Variants in MTCL1 observed in about 807,000 individuals in gnomAD.
MTCL1 encodes microtubule cross-linking factor 1.
Under a neutral mutation model 141.4 loss-of-function variants are expected in MTCL1, and 79 were observed. The ratio of observed to expected loss-of-function variants is 0.56; its 90% CI spans 0.47 to 0.67. The LOEUF is 0.67. Among genes scored for constraint, MTCL1 ranks in the 30% least tolerant of loss-of-function variants. MTCL1 has a pLI of 0.00. For synonymous variants in MTCL1, 914 were observed against 875.8 expected (o/e 1.04, Z -0.77); for missense variants, 2,177 against 2,113.9 (o/e 1.03, Z -0.59).
At chr18:8,788,175 G>A (rs2075585738) in intron 7 of MTCL1, among the ~76,000 whole-genome samples, 1 of 152,194 alleles carries the variant, frequency 6.6e-6, no homozygotes, top group African/African-American at 2.4e-5. Flanking sequence ...CTAACTGGGG[G>A]AAAGACAACA....
At chr18:8,714,186 A>G (rs1048210174), upstream of MTCL1, among the ~76,000 whole-genome samples, 1 of 152,138 alleles carries the variant, frequency 6.6e-6, no homozygotes, top group African/African-American at 2.4e-5. Flanking sequence ...TGTGTGATTG[A>G]AAGCAGACAG....
At chr18:8,829,691 C>A in intron 16 of MTCL1, 1 of 985,212 alleles carries the variant, frequency 1.0e-6, no homozygotes, top group Non-Finnish European at 1.2e-6. Flanking sequence ...TATCTGTTGT[C>A]AAATACAACA....
chr18:8,826,266 A>T, intron 15 of MTCL1, 34 bp downstream of exon 14: 1 of 1,498,282 alleles, frequency 6.7e-7, no homozygotes, highest in African/African-American at 1.4e-5. Flanking sequence ...ACCCTTCCCC[A>T]CCAGCTCTTC....
At position 8,775,408 on chromosome 18, in the gene MTCL1, T is replaced by TAAAAAAAAAA. The variant is rs780102071; in HGVS notation, c.358-2416_358-2407dup. On this transcript the variant is annotated intron_variant, in intron 4 of 16. Coordinates refer to ENST00000359865, the Ensembl canonical transcript of MTCL1. ...CAACATGGTGAAACCTCGTCTCTAC[T>TAAAAAAAAAA]AAAAAAAAAAAAAAAAAAGCTGCGC... 9.8e-4 allele frequency among the ~76,000 whole-genome samples: 91 copies of TAAAAAAAAAA among 92,960 alleles called. 1 individual carries two copies. The highest frequency in any genetic ancestry group is 3.5e-3 in the African/African-American group (84 of 24,344). 61.0% of individuals were successfully genotyped at this position (92,960 alleles called of 152,430 possible). A position where few individuals can be genotyped will look rare whatever the true frequency, so the allele number is the denominator to read the frequency against.
rs751765932 is a variant in MTCL1 at position 8,718,541 on chromosome 18, C to T, written c.91C>T (p.Arg31Ter). The T allele has an allele frequency of 6.8e-6, 11 of 1,614,024 alleles. No individual in the cohort carries two copies. The highest frequency in any genetic ancestry group is 1.3e-5 in the African/African-American group (1 of 74,910). ...ACTGGACCGCGCTAATAAAAACTGC[C>T]GAATCCTGCAGTACCGTCTTCGGAA... The change falls in exon 3 of 17, where the codon CGA becomes TGA. Residue 31 changes from arginine to a stop codon, truncating the protein, a stop_gained. Coordinates refer to ENST00000359865, the Ensembl canonical transcript of MTCL1. LOFTEE classifies it high-confidence loss of function.
At chr18:8,733,686 G>A (rs1377106581) in intron 4 of MTCL1, among the ~76,000 whole-genome samples, 7 of 152,122 alleles carry the variant, frequency 4.6e-5, no homozygotes, top group African/African-American at 7.2e-5. Flanking sequence ...GATTACAGGC[G>A]TGAGCCACTG....
chr18:8,739,372 G>A (rs1199041152), intron 4 of MTCL1, among the ~76,000 whole-genome samples: 1 of 152,238 alleles, frequency 6.6e-6, no homozygotes, highest in African/African-American at 2.4e-5. Flanking sequence ...GGGTGGGCGT[G>A]CATGCGCGGT....
At chr18:8,829,081 C>T (rs1276552204) in intron 16 of MTCL1, 19 of 1,562,972 alleles carry the variant, frequency 1.2e-5, no homozygotes, top group Non-Finnish European at 1.6e-5. Flanking sequence ...TACCCTCGCT[C>T]ACCCCAAGTT....
chr18:8,755,966 C>G (rs2096395346), intron 4 of MTCL1, among the ~76,000 whole-genome samples: 1 of 152,170 alleles, frequency 6.6e-6, no homozygotes, highest in Admixed American at 6.5e-5. Context: ...ATAGCAAAAC[C>G]TTGTCTCTAT....
At chr18:8,791,068 G>A (rs2075707204) in intron 7 of MTCL1, among the ~76,000 whole-genome samples, 1 of 152,212 alleles carries the variant, frequency 6.6e-6, no homozygotes, top group African/African-American at 2.4e-5. Context: ...TGGCCCTTGG[G>A]TGGGTGGATT....
chr18:8,813,164 C>T (rs777259761), exon 12 of MTCL1: 9 of 1,613,750 alleles, frequency 5.6e-6, no homozygotes, highest in South Asian at 3.3e-5. Flanking sequence ...TGGAACTTCT[C>T]GACCGCCTGG....
intron 4 of MTCL1, among the ~76,000 whole-genome samples, chr18:8,724,026 G>A (rs564055028): frequency 1.4e-4 from 22 of 152,254 alleles, no homozygotes; most frequent in African/African-American, 5.3e-4. Flanking sequence ...ATGGGTAGGC[G>A]GTTTCCTTTT....
In MTCL1 at chr18:8,744,101, T is replaced by G. The variant is rs561047363; in HGVS notation, c.357+23605T>G. The stretch of plus-strand genomic sequence containing the variant: ...GTCTTTAAGATAAGAAAACTGAGGC[T>G]TGGAGTAGCTAGCAAACCTGCCCTA... On this transcript the variant is annotated intron_variant, in intron 4 of 16. Transcript: ENST00000359865. 4.1e-4 allele frequency among the ~76,000 whole-genome samples: 62 copies of G among 152,354 alleles called. 1 individual carries two copies. The South Asian group carries it at 4.1e-3, about 10-fold the overall frequency.
intron 4 of MTCL1, among the ~76,000 whole-genome samples, chr18:8,747,524 G>C (rs2096345722): frequency 6.6e-6 from 1 of 152,252 alleles, no homozygotes; most frequent in Non-Finnish European, 1.5e-5. Flanking sequence ...CTGTGTGTCT[G>C]AGTCTCAGCT....
rs753509460 is a variant in MTCL1 at position 8,821,530 on chromosome 18, T to G, written c.3188+32T>G. The G allele has an allele frequency of 2.5e-6, 3 of 1,214,856 alleles. No homozygotes were observed. In the African/African-American group the frequency reaches 4.6e-5, roughly 18 times the overall value. 75.3% of individuals were successfully genotyped at this position (1,214,856 alleles called of 1,614,324 possible). A position where few individuals can be genotyped will look rare whatever the true frequency, so the allele number is the denominator to read the frequency against. ...AAGATTGATGAAAATAATAGATTAC[T>G]AGAATAAAAATGTCTTGGTCTTAAA... On this transcript the variant is annotated intron_variant, in intron 14 of 16. Coordinates refer to ENST00000359865, the Ensembl canonical transcript of MTCL1.
At chr18:8,831,414 A>G in intron 16 of MTCL1, 193 bp from the exon 15 acceptor site, 1 of 1,415,030 alleles carries the variant, frequency 7.1e-7, no homozygotes, top group Non-Finnish European at 9.2e-7. Flanking sequence ...CATTCATGTC[A>G]CTGATCATTT....
chr18:8,718,765 A>G, intron 3 of MTCL1, 117 bp downstream of exon 2: 1 of 924,718 alleles, frequency 1.1e-6, no homozygotes, highest in Non-Finnish European at 1.7e-6. Context: ...TGCAGCATAA[A>G]CAGTCTTGGT....
At chr18:8,824,745 A>G in exon 15 of MTCL1, 2 of 1,614,060 alleles carry the variant, frequency 1.2e-6, no homozygotes, top group Non-Finnish European at 1.7e-6. Flanking sequence ...TCTAATGGAC[A>G]TCTCCCCCTT....
intron 5 of MTCL1, among the ~76,000 whole-genome samples, chr18:8,778,279 T>C (rs570894564): frequency 5.3e-5 from 8 of 152,198 alleles, no homozygotes; most frequent in African/African-American, 1.9e-4. Flanking sequence ...TTGTTTTGAA[T>C]GTTGTTGTTT....
Sources: allele counts gnomAD v4.1 joint callset (sites outside exome capture counted in the v4.1 genomes callset), GRCh38; gene constraint gnomAD v4.1.1; transcripts MANE v1.5; gene names NCBI Gene and HGNC (gene_info 2026-07-23, HGNC 2026-07-21).